Variants in STT3A observed in about 807,000 individuals in gnomAD.
STT3A encodes STT3 oligosaccharyltransferase complex catalytic subunit A.
Under a neutral mutation model 89.2 loss-of-function variants are expected in STT3A, and 34 were observed. The ratio of observed to expected loss-of-function variants is 0.38; its 90% CI spans 0.29 to 0.51. STT3A has a LOEUF of 0.51. Among genes scored for constraint, STT3A ranks in the 20% least tolerant of loss-of-function variants. STT3A has a pLI of 0.89. For synonymous variants in STT3A, 282 were observed against 310.3 expected, an observed-to-expected ratio of 0.91 and a Z score of 0.96; for missense variants, 555 against 889.5, an observed-to-expected ratio of 0.62 and a Z score of 4.78.
chr11:125,609,839 A>C, intron 10 of STT3A: 1 of 426,444 alleles, frequency 2.3e-6, no homozygotes, highest in Non-Finnish European at 4.1e-6. Context: ...GTTAAAATTT[A>C]ACGGTAATTT....
intron 15 of STT3A, among the ~76,000 whole-genome samples, chr11:125,617,464 G>A (rs1480715433): frequency 6.6e-6 from 1 of 152,092 alleles, no homozygotes; most frequent in African/African-American, 2.4e-5. Context: ...TTGCAGTAGT[G>A]CAATAGGAAT....
rs200155024 is a variant in STT3A at position 125,596,464 on chromosome 11, CA to C, written c.88+469del. 6.4e-3 allele frequency among the ~76,000 whole-genome samples: 973 copies of C among 151,778 alleles called. 7 individuals carry two copies. The highest frequency in any genetic ancestry group is 0.022 in the African/African-American group (929 of 41,398). On this transcript the variant is annotated intron_variant, in intron 2 of 17. Coordinates refer to ENST00000392708, the MANE Select transcript of STT3A (RefSeq NM_152713.5). ...TGGGCAACAGAGCAAGACTCTGTCT[CA>C]AAAAAAAGAGGGCTGTGATCATCTT...
Position 125,614,413 on chromosome 11 carries a change from G to C in STT3A, c.1761G>C (p.Gly587=), listed in dbSNP as rs1223944426. 6 of 1,613,712 alleles carry C rather than the reference G, an allele frequency of 3.7e-6. No individual in the cohort carries two copies. Among genetic ancestry groups the C allele is most frequent in the Admixed American group, 1.7e-5 (1 of 59,986 alleles). ...TGGTCATTTTTGGAGGCCTCACTGG[G>C]TATTCCTCTGATGGTAATATACTTG... ...YVLVIFGGLT[G]YSSDDINKFL... is the part of the protein sequence containing the mutation. The change falls in exon 15 of 18, where the codon GGG becomes GGC. Residue 587 remains glycine (G), a synonymous_variant. Coordinates refer to ENST00000392708, the MANE Select transcript of STT3A (RefSeq NM_152713.5). The surrounding 1 kb of genome is among the most constrained non-coding windows in gnomAD (Gnocchi z 4.9).
chr11:125,611,675 C>T (rs188698480), intron 11 of STT3A, among the ~76,000 whole-genome samples, 156 bp downstream of exon 11: 24 of 152,128 alleles, frequency 1.6e-4, no homozygotes, highest in South Asian at 4.2e-4. Flanking sequence ...TTTCCAGGAA[C>T]GTATGGGACA....
At position 125,614,526 on chromosome 11, in the gene STT3A, T is replaced by C. The variant is rs1940118986; in HGVS notation, c.1774+100T>C. 8.3e-7 allele frequency: 1 copy of C among 1,211,370 alleles called. No individual in the cohort carries two copies. 75.0% of individuals were successfully genotyped at this position (1,211,370 alleles called of 1,614,324 possible). On this transcript the variant is annotated intron_variant, in intron 15 of 17. Coordinates refer to ENST00000392708, the MANE Select transcript of STT3A (RefSeq NM_152713.5). The surrounding 1 kb of genome is among the most constrained non-coding windows in gnomAD (Gnocchi z 4.9). Reference sequence around the variant, plus strand: ...TACTTTTACTAATATTTTACTAAGATATTTTTCTTTCATGGGAAGTTCCTA... The same window carrying C: ...TACTTTTACTAATATTTTACTAAGACATTTTTCTTTCATGGGAAGTTCCTA...
chr11:125,608,855 G>A (rs1939915423), intron 9 of STT3A, among the ~76,000 whole-genome samples: 1 of 152,132 alleles, frequency 6.6e-6, no homozygotes, highest in South Asian at 2.1e-4. Flanking sequence ...CTGGTGAAAG[G>A]ACTATATCTT....
chr11:125,611,552 A>G, intron 11 of STT3A, 33 bp downstream of exon 11: 1 of 1,589,770 alleles, frequency 6.3e-7, no homozygotes, highest in Non-Finnish European at 8.6e-7. Context: ...AGACTTTTTC[A>G]CTCTAACTCT....
At chr11:125,615,995 C>T (rs1275869467) in intron 15 of STT3A, among the ~76,000 whole-genome samples, 1 of 152,034 alleles carries the variant, frequency 6.6e-6, no homozygotes, top group African/African-American at 2.4e-5. Flanking sequence ...GTTGAGATTG[C>T]GCCACTGCAC....
At position 125,611,625 on chromosome 11, in the gene STT3A, C is replaced by T. The variant is rs570864024; in HGVS notation, c.1209+106C>T. On this transcript the variant is annotated intron_variant, in intron 11 of 17. Coordinates refer to ENST00000392708, the MANE Select transcript of STT3A (RefSeq NM_152713.5). ...TACTGATGATTGTGCACATGCTTCC[C>T]TCTGAGCATTTGAGGGAATGAGTTG... The T allele has an allele frequency of 2.5e-5, 26 of 1,021,362 alleles. No homozygotes were observed. The African/African-American group carries it at 3.8e-4, about 15-fold the overall frequency. 63.3% of individuals were successfully genotyped at this position (1,021,362 alleles called of 1,614,324 possible). A position where few individuals can be genotyped will look rare whatever the true frequency, so the allele number is the denominator to read the frequency against.
chr11:125,602,453 T>TTAA, intron 4 of STT3A, 29 bp downstream of exon 4: 5 of 1,307,044 alleles, frequency 3.8e-6, no homozygotes, highest in South Asian at 3.1e-5. Flanking sequence ...TTTTTTTTTT[T>TTAA]AAAAAAAAAA....
In STT3A at chr11:125,620,877, T is replaced by G. The variant is rs1276833322; in HGVS notation, c.*67T>G. 2.2e-5 allele frequency: 32 copies of G among 1,427,464 alleles called. No individual in the cohort carries two copies. Among genetic ancestry groups the G allele is most frequent in the Non-Finnish European group, 9.5e-7 (1 of 1,051,106 alleles). The allele number at this position is 1,427,464 out of a possible 1,614,324, so 88.4% of individuals were successfully genotyped here. A position where few individuals can be genotyped will look rare whatever the true frequency, so the allele number is the denominator to read the frequency against. On this transcript the variant is annotated 3_prime_UTR_variant, in exon 18 of 18. Coordinates refer to ENST00000392708, the MANE Select transcript of STT3A (RefSeq NM_152713.5). ...ACATTTAGGACGTTGAAGATTTTTTTTTTTTTTTTTTTTTAATATGCAGTT... is the reference window on the plus strand; with the variant it reads ...ACATTTAGGACGTTGAAGATTTTTTGTTTTTTTTTTTTTTAATATGCAGTT...
chr11:125,612,755 G>A lies in STT3A; in HGVS notation c.1365+8G>A, dbSNP rs80101840. ...TACCCTATTAAGAATGAAGTGAGAA[G>A]CAATGTTAAGAGTAGACTTGGGAAA... On this transcript the variant is annotated splice_region_variant and intron_variant, in intron 12 of 17. Transcript: ENST00000392708. The A allele has an allele frequency of 0.063, 102,007 of 1,613,034 alleles. 3,571 individuals carry two copies. The highest frequency in any genetic ancestry group is 0.11 in the Middle Eastern group (642 of 6,052).
In STT3A at chr11:125,612,744, T is replaced by C. The variant is rs1054819936; in HGVS notation, c.1362T>C (p.Asn454=). The C allele has an allele frequency of 6.2e-7, 1 of 1,613,702 alleles. No individual in the cohort carries two copies. The highest frequency in any genetic ancestry group is 1.7e-5 in the Admixed American group (1 of 59,944). ...AGGATTCCACCTACCCTATTAAGAA[T>C]GAAGTGAGAAGCAATGTTAAGAGTA... ...KQQDSTYPIK[N]EVASGMILVM... is the part of the protein sequence containing the mutation. Residue 454 remains asparagine, a synonymous_variant, in exon 12 of 18, where the codon AAT becomes AAC. Coordinates refer to ENST00000392708, the MANE Select transcript of STT3A (RefSeq NM_152713.5).
chr11:125,609,657 C>G (rs1429618294), intron 10 of STT3A, 68 bp downstream of exon 10: 1 of 1,555,206 alleles, frequency 6.4e-7, no homozygotes, highest in South Asian at 1.2e-5. Flanking sequence ...AATTTGCAAG[C>G]TACCCTCATT....
In STT3A at chr11:125,614,338, A is replaced by C; in HGVS notation, c.1686A>C (p.Thr562=). The C allele has an allele frequency of 6.2e-7, 1 of 1,614,158 alleles. No homozygotes were observed. Among genetic ancestry groups the C allele is most frequent in the Non-Finnish European group, 8.5e-7 (1 of 1,180,018 alleles). ...TGTTTTTCCAGGCAATGGCGTCCAC[A>C]GAGGAAAAAGCCTATGAGATCATGA... is the stretch of plus-strand genomic sequence containing the variant. ...ISRVGQAMAS[T]EEKAYEIMRE... is the part of the protein sequence containing the mutation. The change falls in exon 15 of 18, where the codon ACA becomes ACC. Residue 562 remains threonine (T), a synonymous_variant. Coordinates refer to ENST00000392708, the MANE Select transcript of STT3A (RefSeq NM_152713.5). The surrounding 1 kb of genome is among the most constrained non-coding windows in gnomAD (Gnocchi z 4.9).
intron 2 of STT3A, 106 bp downstream of exon 2, chr11:125,596,109 G>A: frequency 1.1e-6 from 1 of 886,494 alleles, no homozygotes; most frequent in Non-Finnish European, 1.8e-6. Flanking sequence ...TTAGCAGATT[G>A]TTACATTTTT....
intron 15 of STT3A, 96 bp from the exon 16 acceptor site, chr11:125,618,276 AT>A: frequency 1.0e-5 from 12 of 1,151,156 alleles, no homozygotes; most frequent in Non-Finnish European, 1.4e-5. Flanking sequence ...ACCAATCCCC[AT>A]TAAAAAAATG....
In STT3A at chr11:125,621,309, A is replaced by C. The variant is rs1940342874; in HGVS notation, c.*499A>C. 6.6e-6 allele frequency: 1 copy of C among 152,456 alleles called. No homozygotes were observed. The highest frequency in any genetic ancestry group is 2.4e-5 in the African/African-American group (1 of 41,450). 9.4% of individuals were successfully genotyped at this position (152,456 alleles called of 1,614,324 possible). On this transcript the variant is annotated 3_prime_UTR_variant, in exon 18 of 18. Transcript: ENST00000392708. ...TCCTTGGAAACAGCGTGGCTCAATA[A>C]ATTTTTATTGAATGAATAAATGTGG...
Position 125,620,876 on chromosome 11 carries a change from T to G in STT3A, c.*66T>G. The G allele has an allele frequency of 7.1e-7, 1 of 1,416,158 alleles. No homozygotes were observed. The highest frequency in any genetic ancestry group is 9.6e-7 in the Non-Finnish European group (1 of 1,041,828). 87.7% of individuals were successfully genotyped at this position (1,416,158 alleles called of 1,614,324 possible). A position where few individuals can be genotyped will look rare whatever the true frequency, so the allele number is the denominator to read the frequency against. ...CACATTTAGGACGTTGAAGATTTTT[T>G]TTTTTTTTTTTTTTTAATATGCAGT... is the stretch of plus-strand genomic sequence containing the variant. On this transcript the variant is annotated 3_prime_UTR_variant, in exon 18 of 18. Transcript: ENST00000392708.
Sources: gnomAD v4.1 joint callset for allele counts (sites outside exome capture counted in the v4.1 genomes callset) on GRCh38, gnomAD v4.1.1 for gene constraint, Gnocchi (gnomAD v3.1) non-coding constraint, MANE v1.5 for transcripts, NCBI Gene and HGNC (gene_info 2026-07-23, HGNC 2026-07-21) for gene names.